Variants in MED20 observed in about 807,000 individuals in gnomAD.
MED20 encodes mediator of RNA polymerase II transcription subunit 20.
In MED20, 19 loss-of-function variants were observed where a neutral mutation model predicts 19.7. The observed-to-expected ratio is 0.96, with a 90% CI of 0.67 to 1.42. The LOEUF (loss-of-function observed/expected upper bound fraction) is 1.42. MED20 is among the 40% of genes most tolerant of loss of function. The pLI is 0.00. For missense variants in MED20, 225 were observed against 273.0 expected, an observed-to-expected ratio of 0.82 and a Z score of 1.24; for synonymous variants, 105 against 104.8, an observed-to-expected ratio of 1.00 and a Z score of -0.01.
chr6:41,917,033 C>A, intron 1 of MED20, 94 bp from the exon 2 acceptor site: 2 of 1,328,930 alleles, frequency 1.5e-6, no homozygotes, highest in Non-Finnish European at 2.1e-6. Context: ...CTCATCAGGG[C>A]CAAAAGTTAT....
chr6:41,910,625 C>CT (rs1220582869), intron 2 of MED20, among the ~76,000 whole-genome samples: 2 of 142,830 alleles, frequency 1.4e-5, no homozygotes, highest in African/African-American at 5.1e-5. Flanking sequence ...GAGCAATACT[C>CT]TATCTCCAAA....
At chr6:41,908,396 C>G (rs754969863) in intron 3 of MED20, among the ~76,000 whole-genome samples, 1 of 152,188 alleles carries the variant, frequency 6.6e-6, no homozygotes, top group Non-Finnish European at 1.5e-5. Flanking sequence ...ACTCTCACTC[C>G]TTGTCACTAT....
intron 2 of MED20, among the ~76,000 whole-genome samples, chr6:41,915,046 T>G (rs1582060664): frequency 6.6e-6 from 1 of 152,220 alleles, no homozygotes; most frequent in Non-Finnish European, 1.5e-5. Flanking sequence ...AATCTGGAAC[T>G]CTAACAAGTA....
intron 2 of MED20, among the ~76,000 whole-genome samples, chr6:41,914,690 G>A (rs967051354): frequency 1.3e-5 from 2 of 151,540 alleles, no homozygotes; most frequent in East Asian, 1.9e-4. Context: ...CTGTACAGCC[G>A]GGCAACGAAG....
intron 1 of MED20, 65 bp downstream of exon 1, chr6:41,920,940 C>A: frequency 6.3e-7 from 1 of 1,580,114 alleles, no homozygotes; most frequent in Non-Finnish European, 8.6e-7. Context: ...GGACCATGGT[C>A]AAGGTCCTCT....
At chr6:41,909,160 C>T in intron 3 of MED20, 109 bp downstream of exon 3, 1 of 1,428,996 alleles carries the variant, frequency 7.0e-7, no homozygotes, top group Non-Finnish European at 9.4e-7. Context: ...GGTGACAGAA[C>T]AAGACTCTGT....
At chr6:41,908,992 G>A in intron 3 of MED20, 1 of 475,732 alleles carries the variant, frequency 2.1e-6, no homozygotes, top group East Asian at 3.2e-5. Flanking sequence ...AGATCAGCCT[G>A]GGCAACATAG....
At chr6:41,909,641 C>G in intron 2 of MED20, 119 bp from the exon 3 acceptor site, 1 of 1,444,266 alleles carries the variant, frequency 6.9e-7, no homozygotes, top group Non-Finnish European at 9.4e-7. Flanking sequence ...CTCAGCAGTT[C>G]TTGGTTGGGG....
chr6:41,909,781 G>A (rs1266028433), intron 2 of MED20, among the ~76,000 whole-genome samples: 1 of 152,204 alleles, frequency 6.6e-6, no homozygotes, highest in African/African-American at 2.4e-5. Context: ...CTTTAATAGT[G>A]TTGATCATGT....
chr6:41,920,821 G>C (rs1775443088), intron 1 of MED20, 184 bp downstream of exon 1: 1 of 601,782 alleles, frequency 1.7e-6, no homozygotes, highest in East Asian at 3.3e-5. Context: ...CGCCTTCCAA[G>C]AGGAAGGGGC....
intron 2 of MED20, among the ~76,000 whole-genome samples, chr6:41,916,121 G>A (rs1274159172): frequency 1.3e-5 from 2 of 151,966 alleles, no homozygotes; most frequent in East Asian, 3.9e-4. Flanking sequence ...GGTGGCTCAT[G>A]CCTGTGGTCT....
intron 2 of MED20, 35 bp from the exon 3 acceptor site, chr6:41,909,557 C>A (rs761222236): frequency 6.2e-7 from 1 of 1,604,772 alleles, no homozygotes; most frequent in Non-Finnish European, 8.5e-7. Flanking sequence ...ATCATCAAGA[C>A]TTTCACTGGC....
At chr6:41,912,304 G>A (rs1775215271) in intron 2 of MED20, among the ~76,000 whole-genome samples, 2 of 137,820 alleles carry the variant, frequency 1.5e-5, no homozygotes, top group East Asian at 2.2e-4. Context: ...ACCTCCCAAA[G>A]TGCTGGGATT....
At chr6:41,914,405 G>A (rs1775264558) in intron 2 of MED20, among the ~76,000 whole-genome samples, 1 of 152,168 alleles carries the variant, frequency 6.6e-6, no homozygotes, top group South Asian at 2.1e-4. Flanking sequence ...GGAAAGTGCA[G>A]GAAATGGATC....
chr6:41,916,243 C>T (rs764752596), intron 2 of MED20, among the ~76,000 whole-genome samples: 49 of 148,250 alleles, frequency 3.3e-4, no homozygotes, highest in Non-Finnish European at 6.2e-4. Context: ...TGAGCAAAAC[C>T]CTATCTCAAA....
chr6:41,910,202 G>C lies in MED20; in HGVS notation c.170-680C>G, dbSNP rs559651839. Reference sequence around the variant, plus strand: ...AGCACACTACAGCAGAGAGACCTCAGGATCTGGATCAGAAGATCAACTTTC... The same window carrying C: ...AGCACACTACAGCAGAGAGACCTCACGATCTGGATCAGAAGATCAACTTTC... On this transcript the variant is annotated intron_variant, in intron 2 of 3. Coordinates refer to ENST00000265350, the MANE Select transcript of MED20 (RefSeq NM_004275.5). 4.6e-5 allele frequency among the ~76,000 whole-genome samples: 7 copies of C among 152,260 alleles called. 1 individual carries two copies. Among genetic ancestry groups the C allele is most frequent in the African/African-American group, 1.7e-4 (7 of 41,558 alleles).
At chr6:41,908,567 G>A (rs532567077) in intron 3 of MED20, among the ~76,000 whole-genome samples, 72 of 152,326 alleles carry the variant, frequency 4.7e-4, no homozygotes, top group Middle Eastern at 6.8e-3. Context: ...CTAAGGAAAG[G>A]TATATGGGCA....
At position 41,907,154 on chromosome 6, in the gene MED20, G is replaced by A; in HGVS notation, c.557C>T (p.Pro186Leu). The change falls in exon 4 of 4, where the codon CCA becomes CTA. Residue 186 changes from proline (P) to leucine (L), a missense_variant. Physicochemically the swap from Pro to Leu is moderately conservative, Grantham distance 98. Coordinates refer to ENST00000265350, the MANE Select transcript of MED20 (RefSeq NM_004275.5). ...FGNRHDAVYG[P>L]ADTMVQYMEL... is the part of the protein sequence containing the mutation. ...CATGTACTGGACCATGGTATCTGCT[G>A]GGCCGTAGACCGCATCATGTCTGTT... is the stretch of plus-strand genomic sequence containing the variant. 1 of 1,614,074 alleles carries A rather than the reference G, an allele frequency of 6.2e-7. No individual in the cohort carries two copies. Among genetic ancestry groups the A allele is most frequent in the Non-Finnish European group, 8.5e-7 (1 of 1,180,020 alleles).
At chr6:41,918,617 T>C (rs1340529648) in intron 1 of MED20, among the ~76,000 whole-genome samples, 1 of 149,422 alleles carries the variant, frequency 6.7e-6, no homozygotes, top group Non-Finnish European at 1.5e-5. Context: ...ATCAAGACCA[T>C]CCTGGCTAAC....
Sources: gnomAD v4.1 joint callset for allele counts (sites outside exome capture counted in the v4.1 genomes callset) on GRCh38, gnomAD v4.1.1 for gene constraint, MANE v1.5 for transcripts, NCBI Gene and HGNC (gene_info 2026-07-23, HGNC 2026-07-21) for gene names.